MEX3D: variants seen among roughly 807,000 people sequenced by gnomAD.
The protein encoded by MEX3D is mex-3 RNA binding family member D.
MEX3D carries 4 observed loss-of-function variants against 6.3 expected under a neutral mutation model. The observed-to-expected ratio is 0.64, with a 90% CI of 0.31 to 1.46. The LOEUF (loss-of-function observed/expected upper bound fraction) is 1.46. Ranked by LOEUF, MEX3D falls within the 40% of genes most tolerant of loss-of-function variation. The pLI is 0.07. For missense variants in MEX3D, 1,038 were observed against 994.4 expected, an observed-to-expected ratio of 1.04 and a Z score of -0.59; for synonymous variants, 626 against 494.1, an observed-to-expected ratio of 1.27 and a Z score of -3.54.
Position 1,555,131 on chromosome 19 carries a change from C to CG in MEX3D, c.*431dup. On this transcript the variant is annotated 3_prime_UTR_variant, in exon 2 of 2. Coordinates refer to ENST00000402693, the MANE Select transcript of MEX3D (RefSeq NM_203304.4). The stretch of plus-strand genomic sequence containing the variant: ...ACCCTCCTCCTCTGGAACGTCTGTG[C>CG]GGCCTGAGACCGGCCGGCGAGAAAA... 1 of 377,532 alleles carries CG rather than the reference C, an allele frequency of 2.6e-6. No individual in the cohort carries two copies. Among genetic ancestry groups the CG allele is most frequent in the Non-Finnish European group, 4.8e-6 (1 of 208,504 alleles). 23.4% of individuals were successfully genotyped at this position (377,532 alleles called of 1,614,324 possible). A position where few individuals can be genotyped will look rare whatever the true frequency, so the allele number is the denominator to read the frequency against.
Position 1,556,322 on chromosome 19 carries a change from G to C in MEX3D, c.1197C>G (p.Pro399=). 6 of 1,333,628 alleles carry C rather than the reference G, an allele frequency of 4.5e-6. No individual in the cohort carries two copies. Among genetic ancestry groups the C allele is most frequent in the Non-Finnish European group, 4.8e-6 (5 of 1,047,830 alleles). 82.6% of individuals were successfully genotyped at this position (1,333,628 alleles called of 1,614,324 possible). A position where few individuals can be genotyped will look rare whatever the true frequency, so the allele number is the denominator to read the frequency against. ...GLRGDTALGA[P]SAPEAFYAGS... ...CCGCGTAGAAGGCCTCGGGGGCGCT[G>C]GGGGCGCCCAGGGCCGTGTCCCCGC... The change falls in exon 2 of 2, where the codon CCC becomes CCG. Residue 399 remains proline, a synonymous_variant. Transcript: ENST00000402693. This position sits in a 1 kb window ranked among gnomAD's most constrained non-coding sequence, Gnocchi z 7.5.
chr19:1,562,830 C>T (rs1368546377), intron 1 of MEX3D, among the ~76,000 whole-genome samples: 1 of 152,086 alleles, frequency 6.6e-6, no homozygotes, highest in Non-Finnish European at 1.5e-5. Flanking sequence ...GCCTGGCCAA[C>T]ATGGCGAAAC....
chr19:1,560,547 CTG>C, intron 1 of MEX3D, among the ~76,000 whole-genome samples: 1 of 152,354 alleles, frequency 6.6e-6, no homozygotes, highest in East Asian at 1.9e-4. Flanking sequence ...AGCTCACAGG[CTG>C]TGGTCACAGA....
At position 1,568,319 on chromosome 19, in the gene MEX3D, C is replaced by T. The variant is rs1218486063; in HGVS notation, c.-261G>A. On this transcript the variant is annotated 5_prime_UTR_variant, in exon 1 of 2. Transcript: ENST00000402693. Reference sequence around the variant, plus strand: ...GGCGGCTCCTCGGCGGCCGAGGCGGCGGCGGCGGCGCGGGACGCTCCTTCC... The same window carrying T: ...GGCGGCTCCTCGGCGGCCGAGGCGGTGGCGGCGGCGCGGGACGCTCCTTCC... Among the ~76,000 whole-genome samples, 1 of 140,900 alleles carries T rather than the reference C, an allele frequency of 7.1e-6. No individual in the cohort carries two copies. Among genetic ancestry groups the T allele is most frequent in the East Asian group, 2.2e-4 (1 of 4,510 alleles). 92.4% of individuals were successfully genotyped at this position (140,900 alleles called of 152,430 possible). A position where few individuals can be genotyped will look rare whatever the true frequency, so the allele number is the denominator to read the frequency against.
In MEX3D at chr19:1,556,466, G is replaced by A. The variant is rs752210115; in HGVS notation, c.1053C>T (p.Asp351=). ...CGGTGCCGTTGGCGTGGAAGTCGCTGTCGGGGCCCGCGTCGGTGAAGGCGC... is the reference window on the plus strand; with the variant it reads ...CGGTGCCGTTGGCGTGGAAGTCGCTATCGGGGCCCGCGTCGGTGAAGGCGC... ...RTGAFTDAGP[D]SDFHANGTDV... Residue 351 remains aspartate (D), a synonymous_variant, in exon 2 of 2, where the codon GAC becomes GAT. Coordinates refer to ENST00000402693, the MANE Select transcript of MEX3D (RefSeq NM_203304.4). The surrounding 1 kb of genome is among the most constrained non-coding windows in gnomAD (Gnocchi z 7.5). 4.4e-6 allele frequency: 7 copies of A among 1,600,466 alleles called. No individual in the cohort carries two copies. Among genetic ancestry groups the A allele is most frequent in the Non-Finnish European group, 5.9e-6 (7 of 1,177,836 alleles).
At chr19:1,566,753 C>T (rs1239053971) in intron 1 of MEX3D, among the ~76,000 whole-genome samples, 4 of 152,134 alleles carry the variant, frequency 2.6e-5, no homozygotes. Context: ...CTCAGCCTCG[C>T]TCTCTAACAA....
At chr19:1,560,485 G>T (rs952242055) in intron 1 of MEX3D, among the ~76,000 whole-genome samples, 1 of 152,224 alleles carries the variant, frequency 6.6e-6, no homozygotes, top group African/African-American at 2.4e-5. Context: ...AGCCGCCCCG[G>T]GTCCCCAGAG....
rs575591206 is a variant in MEX3D at position 1,567,631 on chromosome 19, G to A, written c.428C>T (p.Pro143Leu). The A allele has an allele frequency of 5.5e-4, 704 of 1,278,404 alleles. 18 individuals carry two copies. In the Admixed American group the frequency reaches 0.025, roughly 45 times the overall value. The allele number at this position is 1,278,404 out of a possible 1,614,324, so 79.2% of individuals were successfully genotyped here. Reference protein sequence around the residue: ...PPPPPPPRPSPPDVFAGFAPH... With the variant: ...PPPPPPPRPSLPDVFAGFAPH... ...CGCGAAGCCCGCGAACACGTCGGGG[G>A]GCGACGGCCGGGGCGGCGGCGGCGG... is the stretch of plus-strand genomic sequence containing the variant. The change falls in exon 1 of 2, where the codon CCC (proline) becomes CTC (leucine). Residue 143 changes from proline to leucine, a missense_variant. Transcript: ENST00000402693. The surrounding 1 kb of genome is among the most constrained non-coding windows in gnomAD (Gnocchi z 6.5).
In MEX3D at chr19:1,568,287, CGGCGGCGGCGGCTCCTCGGCGGCCGA is replaced by C. The variant is rs895811931; in HGVS notation, c.-255_-230del. Among the ~76,000 whole-genome samples, 9 of 138,750 alleles carry C rather than the reference CGGCGGCGGCGGCTCCTCGGCGGCCGA, an allele frequency of 6.5e-5. No homozygotes were observed. The highest frequency in any genetic ancestry group is 2.3e-4 in the South Asian group (1 of 4,258). The allele number at this position is 138,750 out of a possible 152,430, so 91.0% of individuals were successfully genotyped here. A position where few individuals can be genotyped will look rare whatever the true frequency, so the allele number is the denominator to read the frequency against. The stretch of plus-strand genomic sequence containing the variant: ...GGCTGCGGCTCGGCGGCGGCGGCGA[CGGCGGCGGCGGCTCCTCGGCGGCCGA>C]GGCGGCGGCGGCGGCGCGGGACGCT... On this transcript the variant is annotated 5_prime_UTR_variant, in exon 1 of 2. Coordinates refer to ENST00000402693, the MANE Select transcript of MEX3D (RefSeq NM_203304.4).
At chr19:1,565,955 C>A (rs1369557009) in intron 1 of MEX3D, among the ~76,000 whole-genome samples, 1 of 152,256 alleles carries the variant, frequency 6.6e-6, no homozygotes, top group Non-Finnish European at 1.5e-5. Context: ...ACAAAGAACA[C>A]AGCCACAGCC....
chr19:1,555,593 C>CGGCGTGCGGCA lies in MEX3D; in HGVS notation c.1915_1925dup (p.Thr644AlafsTer64). ...AAAAGATATGAATGGCCTGGGTGGCCGGCGTGCGGCAGGCGGGACACTCGG... is the reference window on the plus strand; with the variant it reads ...AAAAGATATGAATGGCCTGGGTGGCCGGCGTGCGGCAGGCGTGCGGCAGGCGGGACACTCGG... On this transcript the variant is annotated frameshift_variant, in exon 2 of 2. Coordinates refer to ENST00000402693, the MANE Select transcript of MEX3D (RefSeq NM_203304.4). LOFTEE classifies it high-confidence loss of function. 6.3e-7 allele frequency: 1 copy of CGGCGTGCGGCA among 1,590,414 alleles called. No homozygotes were observed. The highest frequency in any genetic ancestry group is 1.1e-5 in the South Asian group (1 of 87,506).
chr19:1,562,361 C>A (rs1276401086), intron 1 of MEX3D, among the ~76,000 whole-genome samples: 1 of 150,418 alleles, frequency 6.6e-6, no homozygotes, highest in East Asian at 2.0e-4. Context: ...CCCATCTCCA[C>A]TAAAAATACA....
chr19:1,562,762 C>T (rs954839976), intron 1 of MEX3D, among the ~76,000 whole-genome samples: 1 of 152,120 alleles, frequency 6.6e-6, no homozygotes, highest in African/African-American at 2.4e-5. Flanking sequence ...CACCTGTAAT[C>T]CCAGCACTTT....
Position 1,554,974 on chromosome 19 carries a change from G to A in MEX3D, c.*589C>T, listed in dbSNP as rs1296837585. On this transcript the variant is annotated 3_prime_UTR_variant, in exon 2 of 2. Coordinates refer to ENST00000402693, the MANE Select transcript of MEX3D (RefSeq NM_203304.4). ...ACAACAGAAACCGCAGTAAAAAGGG[G>A]ATTAATAATTAACAGAAAGTTAGAA... 1 of 151,896 alleles carries A rather than the reference G, an allele frequency of 6.6e-6. No individual in the cohort carries two copies. The highest frequency in any genetic ancestry group is 2.4e-5 in the African/African-American group (1 of 41,208). The allele number at this position is 151,896 out of a possible 1,614,324, so 9.4% of individuals were successfully genotyped here. A position where few individuals can be genotyped will look rare whatever the true frequency, so the allele number is the denominator to read the frequency against.
Position 1,555,725 on chromosome 19 carries a change from T to C in MEX3D, c.1794A>G (p.Arg598=), listed in dbSNP as rs775326072. Residue 598 remains arginine, a synonymous_variant, in exon 2 of 2, where the codon CGA becomes CGG. Coordinates refer to ENST00000402693, the MANE Select transcript of MEX3D (RefSeq NM_203304.4). ...PSASSAPALA[R]ECVVCAEGEV... is the part of the protein sequence containing the mutation. ...CGCCCTCGGCGCACACCACGCACTC[T>C]CGCGCCAGGGCCGGGGCCGAGGACG... 4 of 1,531,834 alleles carry C rather than the reference T, an allele frequency of 2.6e-6. No homozygotes were observed. The highest frequency in any genetic ancestry group is 2.6e-6 in the Non-Finnish European group (3 of 1,145,856). The allele number at this position is 1,531,834 out of a possible 1,614,324, so 94.9% of individuals were successfully genotyped here. A position where few individuals can be genotyped will look rare whatever the true frequency, so the allele number is the denominator to read the frequency against.
chr19:1,563,167 G>A (rs556584229), intron 1 of MEX3D, among the ~76,000 whole-genome samples: 1 of 152,332 alleles, frequency 6.6e-6, no homozygotes, highest in South Asian at 2.1e-4. Flanking sequence ...GAAAACCATG[G>A]CATGGTCCCC....
chr19:1,555,400 A>T lies in MEX3D; in HGVS notation c.*163T>A. ...TCTCCGTCTCCACGCCTGAGGCGGC[A>T]GTTAAAGCTCATCTGTAAACACTGG... On this transcript the variant is annotated 3_prime_UTR_variant, in exon 2 of 2. Coordinates refer to ENST00000402693, the MANE Select transcript of MEX3D (RefSeq NM_203304.4). The T allele has an allele frequency of 1.9e-6, 3 of 1,600,570 alleles. No homozygotes were observed. Among genetic ancestry groups the T allele is most frequent in the Non-Finnish European group, 2.6e-6 (3 of 1,173,378 alleles).
intron 1 of MEX3D, among the ~76,000 whole-genome samples, chr19:1,559,277 G>A (rs959038288): frequency 3.9e-5 from 6 of 151,956 alleles, no homozygotes; most frequent in African/African-American, 9.7e-5. Context: ...GATTACAGGC[G>A]CCCACCACCA....
In MEX3D at chr19:1,563,716, G is replaced by A. The variant is rs138733715; in HGVS notation, c.595+3748C>T. ...CCACTTTGCCTGTCTCCCAGACAGG[G>A]CTGCCTCCCCTCACCCCCAGCCCTC... On this transcript the variant is annotated intron_variant, in intron 1 of 1. Coordinates refer to ENST00000402693, the MANE Select transcript of MEX3D (RefSeq NM_203304.4). Among the ~76,000 whole-genome samples, 21 of 152,222 alleles carry A rather than the reference G, an allele frequency of 1.4e-4. No individual in the cohort carries two copies. The East Asian group carries it at 3.7e-3, about 27-fold the overall frequency.
Sources: gnomAD v4.1 joint callset for allele counts (sites outside exome capture counted in the v4.1 genomes callset) on GRCh38, gnomAD v4.1.1 for gene constraint, Gnocchi (gnomAD v3.1) non-coding constraint, MANE v1.5 for transcripts, NCBI Gene and HGNC (gene_info 2026-07-23, HGNC 2026-07-21) for gene names.